CD200: variants seen among roughly 807,000 people sequenced by gnomAD.
CD200 encodes the protein CD200 molecule, also known as OX-2 membrane glycoprotein.
A neutral mutation model predicts 30.9 loss-of-function variants in CD200; 15 were observed. That is an observed-to-expected ratio of 0.49 (90% CI 0.32 to 0.75). CD200 has a LOEUF of 0.75. CD200 is among the 30% of genes least tolerant of loss of function. CD200 has a pLI of 0.03. For missense variants in CD200, 262 were observed against 324.2 expected (o/e 0.81, Z 1.47); for synonymous variants, 134 against 126.2 (o/e 1.06, Z -0.41).
intron 5 of CD200, among the ~76,000 whole-genome samples, chr3:112,358,729 G>A (rs143675606): frequency 6.6e-6 from 1 of 152,104 alleles, no homozygotes; most frequent in East Asian, 1.9e-4. Flanking sequence ...ACTGATTCAT[G>A]AGTTTTGCAT....
chr3:112,335,387 T>C (rs75991791), intron 1 of CD200, among the ~76,000 whole-genome samples: 2,004 of 152,312 alleles, frequency 0.013, 36 homozygotes, highest in African/African-American at 0.045. Context: ...AAGGAAGGGA[T>C]AGCATGCTTA....
intron 1 of CD200, among the ~76,000 whole-genome samples, chr3:112,334,823 A>G (rs1167020347): frequency 1.3e-5 from 2 of 152,136 alleles, no homozygotes; most frequent in East Asian, 1.9e-4. Context: ...CTTTGCCTCA[A>G]TCACTGTGTT....
At chr3:112,344,139 T>C (rs914410302) in intron 2 of CD200, among the ~76,000 whole-genome samples, 6 of 152,252 alleles carry the variant, frequency 3.9e-5, no homozygotes, top group Non-Finnish European at 4.4e-5. Context: ...TATCATCACA[T>C]GTATTCATGT....
chr3:112,347,553 C>T lies in CD200; in HGVS notation c.422-5C>T, dbSNP rs376741363. The T allele has an allele frequency of 1.9e-5, 30 of 1,613,072 alleles. No homozygotes were observed. The highest frequency in any genetic ancestry group is 2.5e-5 in the Non-Finnish European group (29 of 1,179,378). On this transcript the variant is annotated splice_region_variant and splice_polypyrimidine_tract_variant and intron_variant, in intron 3 of 5. Transcript: ENST00000315711. ...ATAACAGATCATATTTATTTTTTGT[C>T]CCAGTACAGCCCATAGTATCCCTTC...
At chr3:112,356,268 A>G (rs545904372) in intron 5 of CD200, among the ~76,000 whole-genome samples, 12 of 152,312 alleles carry the variant, frequency 7.9e-5, no homozygotes, top group Middle Eastern at 3.4e-3. Flanking sequence ...TCCTTTAAAG[A>G]GTTCATGTTA....
At chr3:112,344,538 G>A (rs1427988102) in intron 2 of CD200, among the ~76,000 whole-genome samples, 1 of 152,038 alleles carries the variant, frequency 6.6e-6, no homozygotes, top group African/African-American at 2.4e-5. Flanking sequence ...GAATGCATAG[G>A]GCTGCTCCAT....
At chr3:112,344,870 T>C in intron 2 of CD200, 92 bp from the exon 3 acceptor site, 1 of 975,630 alleles carries the variant, frequency 1.0e-6, no homozygotes, top group South Asian at 1.7e-5. Flanking sequence ...CTTTTCTATA[T>C]TTGACATTGA....
chr3:112,342,376 T>A (rs1275533497), intron 2 of CD200, among the ~76,000 whole-genome samples: 1 of 47,686 alleles, frequency 2.1e-5, no homozygotes, highest in Non-Finnish European at 4.4e-5. Context: ...TTTCTTTCTT[T>A]CTTTCTTTCT....
At chr3:112,347,299 T>C (rs2108451632) in intron 3 of CD200, among the ~76,000 whole-genome samples, 1 of 152,358 alleles carries the variant, frequency 6.6e-6, no homozygotes, top group South Asian at 2.1e-4. Flanking sequence ...TATGTCCATC[T>C]GACAAATTCT....
intron 1 of CD200, chr3:112,333,858 A>T: frequency 1.0e-6 from 1 of 985,454 alleles, no homozygotes; most frequent in South Asian, 4.7e-5. Flanking sequence ...AACCCCGGGT[A>T]TCTAGAGAAA....
intron 3 of CD200, among the ~76,000 whole-genome samples, chr3:112,346,178 T>G (rs1218416300): frequency 6.6e-6 from 1 of 152,170 alleles, no homozygotes; most frequent in Non-Finnish European, 1.5e-5. Context: ...TAGAATCTTA[T>G]GTTGTTTCTT....
intron 5 of CD200, among the ~76,000 whole-genome samples, chr3:112,350,924 A>G (rs1176902248): frequency 6.6e-6 from 1 of 152,238 alleles, no homozygotes; most frequent in Non-Finnish European, 1.5e-5. Flanking sequence ...ACACCCAAAA[A>G]GCCTTCAGTG....
chr3:112,341,061 G>A, intron 2 of CD200, 78 bp downstream of exon 2: 1 of 902,754 alleles, frequency 1.1e-6, no homozygotes, highest in South Asian at 1.4e-5. Context: ...AGTATTGTTT[G>A]TGCTGTGCTG....
chr3:112,342,322 TTTCTTTCTTTCTTTCC>T (rs1559782994), intron 2 of CD200, among the ~76,000 whole-genome samples: 16 of 23,262 alleles, frequency 6.9e-4, no homozygotes, highest in African/African-American at 1.6e-3. Context: ...TCTTTCTTTC[TTTCTTTCTTTCTTTCC>T]TTCTTTCTTT....
chr3:112,333,611 G>GC, intron 1 of CD200: 1 of 985,408 alleles, frequency 1.0e-6, no homozygotes, highest in Non-Finnish European at 1.2e-6. Context: ...ATTTTAAACT[G>GC]CCCCCAAAAG....
intron 5 of CD200, 26 bp downstream of exon 5, chr3:112,349,845 A>C: frequency 1.0e-5 from 16 of 1,573,854 alleles, no homozygotes; most frequent in Non-Finnish European, 1.4e-5. Context: ...GAGTTCAAAA[A>C]ATGACATAAA....
intron 1 of CD200, chr3:112,335,697 A>G (rs561077082): frequency 1.1e-5 from 5 of 468,038 alleles, no homozygotes; most frequent in Non-Finnish European, 1.9e-5. Context: ...CTATCCTGAA[A>G]GATCCATCAG....
At chr3:112,345,333 T>C in intron 3 of CD200, 45 bp downstream of exon 3, 1 of 1,506,784 alleles carries the variant, frequency 6.6e-7, no homozygotes, top group Non-Finnish European at 9.2e-7. Flanking sequence ...AAATACTATT[T>C]GCAAGAATGT....
chr3:112,354,234 A>G (rs1277931790), intron 5 of CD200, among the ~76,000 whole-genome samples: 1 of 152,184 alleles, frequency 6.6e-6, no homozygotes, highest in Non-Finnish European at 1.5e-5. Flanking sequence ...TCTCCTGCCC[A>G]ATAATTCAAT....
Sources: allele counts gnomAD v4.1 joint callset (sites outside exome capture counted in the v4.1 genomes callset), GRCh38; gene constraint gnomAD v4.1.1; transcripts MANE v1.5; gene names NCBI Gene and HGNC (gene_info 2026-07-23, HGNC 2026-07-21).